The following SPTB variants were observed in gnomAD, a reference collection of about 807,000 sequenced individuals.
SPTB encodes the protein spectrin beta, erythrocytic, also known as spectrin beta chain, erythrocytic.
A neutral mutation model predicts 256.2 loss-of-function variants in SPTB; 45 were observed. The ratio of observed to expected loss-of-function variants is 0.18; its 90% confidence interval spans 0.14 to 0.23. The LOEUF (loss-of-function observed/expected upper bound fraction) is 0.23. SPTB is among the 10% of genes least tolerant of loss of function. SPTB has a pLI of 1.00. For missense variants in SPTB, 2,715 were observed against 3,040.4 expected, an observed-to-expected ratio of 0.89 and a Z score of 2.52; for synonymous variants, 1,231 against 1,243.1, an observed-to-expected ratio of 0.99 and a Z score of 0.21.
At chr14:64,868,315 A>AT (rs79717585) in intron 1 of SPTB, among the ~76,000 whole-genome samples, 8,278 of 152,198 alleles carry the variant, frequency 0.054, 287 homozygotes, top group Middle Eastern at 0.082. Context: ...ATGTGGAAGT[A>AT]TGGGGGGGAA....
At chr14:64,781,870 A>G (rs936244325) in intron 20 of SPTB, among the ~76,000 whole-genome samples, 1 of 152,250 alleles carries the variant, frequency 6.6e-6, no homozygotes, top group Admixed American at 6.5e-5. Context: ...ACACCATGGA[A>G]TATTTCACAG....
rs1380847760 is a variant in SPTB, at chr14:64,796,659, C to T, written c.1239G>A (p.Glu413=). ...GCTCTAGCTTCTCCTGCCGAATGAGCTCATTTCTCAGGGCCAGCTCCCGCC... is the reference window on the plus strand; with the variant it reads ...GCTCTAGCTTCTCCTGCCGAATGAGTTCATTTCTCAGGGCCAGCTCCCGCC... ...EYRRELALRN[E]LIRQEKLEQL... The change falls in exon 11 of 36, where the codon GAG becomes GAA. Residue 413 remains glutamate, a synonymous_variant. Coordinates refer to ENST00000644917, the MANE Select transcript of SPTB (RefSeq NM_001355436.2). This position sits in a 1 kb window ranked among gnomAD's most constrained non-coding sequence, Gnocchi z 4.1. 1 of 1,614,208 alleles carries T rather than the reference C, an allele frequency of 6.2e-7. No homozygotes were observed. Among genetic ancestry groups the T allele is most frequent in the South Asian group, 1.1e-5 (1 of 91,090 alleles).
At chr14:64,860,896 C>T (rs2083956252) in intron 1 of SPTB, among the ~76,000 whole-genome samples, 1 of 152,094 alleles carries the variant, frequency 6.6e-6, no homozygotes, top group South Asian at 2.1e-4. Flanking sequence ...ATAAATCATT[C>T]CTCTATAAAG....
chr14:64,797,483 A>T (rs1465015366), intron 10 of SPTB, among the ~76,000 whole-genome samples: 2 of 143,570 alleles, frequency 1.4e-5, no homozygotes, highest in East Asian at 4.0e-4. Context: ...AAAAAAAAAA[A>T]AAAAAAAAAA....
chr14:64,749,516 C>T lies in SPTB; in HGVS notation c.6820-43G>A, dbSNP rs1566729729. 1.3e-6 allele frequency: 2 copies of T among 1,597,426 alleles called. No homozygotes were observed. Among genetic ancestry groups the T allele is most frequent in the Middle Eastern group, 1.8e-4 (1 of 5,630 alleles). On this transcript the variant is annotated intron_variant, in intron 35 of 35. Coordinates refer to ENST00000644917, the MANE Select transcript of SPTB (RefSeq NM_001355436.2). The surrounding 1 kb of genome is among the most constrained non-coding windows in gnomAD (Gnocchi z 4.7). ...ACGGTGGAGTCTGGAGGCCCACAGC[C>T]CCCCACCTCCCGGGCCAGGCAACAA...
intron 2 of SPTB, among the ~76,000 whole-genome samples, chr14:64,805,938 T>G (rs1484572611): frequency 6.6e-6 from 1 of 151,878 alleles, no homozygotes; most frequent in Non-Finnish European, 1.5e-5. Flanking sequence ...CCTGGGAAGG[T>G]GACATGACAC....
intron 33 of SPTB, among the ~76,000 whole-genome samples, chr14:64,751,777 A>C (rs1231835563): frequency 6.6e-6 from 1 of 152,014 alleles, no homozygotes; most frequent in Non-Finnish European, 1.5e-5. Context: ...TTAAAGGAAC[A>C]AATTTTACAA....
At chr14:64,768,556 A>G (rs749599586) in intron 29 of SPTB, among the ~76,000 whole-genome samples, 1 of 151,864 alleles carries the variant, frequency 6.6e-6, no homozygotes, top group Non-Finnish European at 1.5e-5. Context: ...CCCACCTCTC[A>G]TCAGCACCCA....
rs1450115079 is a variant in SPTB at position 64,764,376 on chromosome 14, G to A, written c.6345+2350C>T. On this transcript the variant is annotated intron_variant, in intron 32 of 35. Transcript: ENST00000644917. The surrounding 1 kb of genome is among the most constrained non-coding windows in gnomAD (Gnocchi z 4.2). The stretch of plus-strand genomic sequence containing the variant: ...AACTTAACAAAAGGCTCAGAAGGGA[G>A]CAGCAGCAGGAAATCTGTGCGTGAG... Among the ~76,000 whole-genome samples the A allele has an allele frequency of 1.3e-5, 2 of 152,250 alleles. No individual in the cohort carries two copies. The highest frequency in any genetic ancestry group is 3.9e-4 in the East Asian group (2 of 5,192).
rs1189300641 is a variant in SPTB at position 64,779,648 on chromosome 14, CT to C, written c.4473+76del. On this transcript the variant is annotated intron_variant, in intron 21 of 35. Coordinates refer to ENST00000644917, the MANE Select transcript of SPTB (RefSeq NM_001355436.2). The surrounding 1 kb of genome is among the most constrained non-coding windows in gnomAD (Gnocchi z 4.2). ...CAGTCATCTACTGCCAAAAATTGCT[CT>C]GGGTGGCAGCCAGCTACTCTGATGG... is the stretch of plus-strand genomic sequence containing the variant. The C allele has an allele frequency of 2.2e-5, 34 of 1,567,220 alleles. No homozygotes were observed. The African/African-American group carries it at 3.9e-4, about 18-fold the overall frequency.
At position 64,824,741 on chromosome 14, in the gene SPTB, C is replaced by A. The variant is rs543932808; in HGVS notation, c.-51-1596G>T. ...ACACCAGCACACACATGCACATCCACCAGGCACATGATCACGGAGGCACTG... is the reference window on the plus strand; with the variant it reads ...ACACCAGCACACACATGCACATCCAACAGGCACATGATCACGGAGGCACTG... On this transcript the variant is annotated intron_variant, in intron 1 of 35. Coordinates refer to ENST00000644917, the MANE Select transcript of SPTB (RefSeq NM_001355436.2). This position sits in a 1 kb window ranked among gnomAD's most constrained non-coding sequence, Gnocchi z 5.7. 6.6e-6 allele frequency among the ~76,000 whole-genome samples: 1 copy of A among 152,274 alleles called. No individual in the cohort carries two copies. Among genetic ancestry groups the A allele is most frequent in the South Asian group, 2.1e-4 (1 of 4,828 alleles).
chr14:64,813,138 C>T (rs1273934882), intron 2 of SPTB, among the ~76,000 whole-genome samples: 1 of 152,002 alleles, frequency 6.6e-6, no homozygotes, highest in Non-Finnish European at 1.5e-5. Context: ...TTCTTTTTTG[C>T]TTTTCTCTGT....
chr14:64,865,237 G>A (rs6573581), intron 1 of SPTB, among the ~76,000 whole-genome samples: 122,780 of 151,622 alleles, frequency 0.81, 51,192 homozygotes, highest in Non-Finnish European at 0.91. Context: ...CTGCTCACCA[G>A]ACTCTGCTGC....
intron 1 of SPTB, among the ~76,000 whole-genome samples, chr14:64,854,675 T>C (rs1409748419): frequency 6.6e-6 from 1 of 151,254 alleles, no homozygotes; most frequent in Non-Finnish European, 1.5e-5. Flanking sequence ...TCGTGTAGGA[T>C]TTCCATTTGC....
intron 1 of SPTB, among the ~76,000 whole-genome samples, chr14:64,840,554 C>A (rs1221496842): frequency 1.3e-5 from 2 of 152,216 alleles, no homozygotes; most frequent in African/African-American, 4.8e-5. Context: ...ATTATTAAAG[C>A]TGCACTCATT....
At position 64,796,830 on chromosome 14, in the gene SPTB, G is replaced by A; in HGVS notation, c.1183-115C>T. ...TTCTGGAATCAAGGTACAGCCTGATGCTCTTGGGTGACGTGGTAGCAGATT... is the reference window on the plus strand; with the variant it reads ...TTCTGGAATCAAGGTACAGCCTGATACTCTTGGGTGACGTGGTAGCAGATT... On this transcript the variant is annotated intron_variant, in intron 10 of 35. Coordinates refer to ENST00000644917, the MANE Select transcript of SPTB (RefSeq NM_001355436.2). The surrounding 1 kb of genome is among the most constrained non-coding windows in gnomAD (Gnocchi z 4.1). The A allele has an allele frequency of 6.7e-6, 9 of 1,346,044 alleles. No homozygotes were observed. Among genetic ancestry groups the A allele is most frequent in the Non-Finnish European group, 9.4e-6 (9 of 953,668 alleles). 83.4% of individuals were successfully genotyped at this position (1,346,044 alleles called of 1,614,324 possible). A position where few individuals can be genotyped will look rare whatever the true frequency, so the allele number is the denominator to read the frequency against.
chr14:64,787,775 C>T (rs963094170), intron 15 of SPTB, among the ~76,000 whole-genome samples: 9 of 152,216 alleles, frequency 5.9e-5, no homozygotes, highest in African/African-American at 1.4e-4. Context: ...CTATGAAATA[C>T]GGAAATGTGC....
rs146632844 is a variant in SPTB at position 64,784,227 on chromosome 14, C to T, written c.4002+20G>A. The stretch of plus-strand genomic sequence containing the variant: ...CTATCTGAGCAGAGCACCCACCCGC[C>T]GCCCAATCACTTTACTTACCGCATC... On this transcript the variant is annotated intron_variant, in intron 19 of 35. Coordinates refer to ENST00000644917, the MANE Select transcript of SPTB (RefSeq NM_001355436.2). The T allele has an allele frequency of 2.2e-4, 355 of 1,614,074 alleles. No individual in the cohort carries two copies. In the East Asian group the frequency reaches 4.8e-3, roughly 22 times the overall value.
rs555371683 is a variant in SPTB, at chr14:64,858,101, T to A, written c.-52+21691A>T. Among the ~76,000 whole-genome samples, 14 of 152,320 alleles carry A rather than the reference T, an allele frequency of 9.2e-5. No homozygotes were observed. In the East Asian group the frequency reaches 2.5e-3, roughly 27 times the overall value. The stretch of plus-strand genomic sequence containing the variant: ...GCTGTGGCCACACAGCTAGCAAGTG[T>A]TAGAACCTGGATTTGAAGCCAGGTC... On this transcript the variant is annotated intron_variant, in intron 1 of 35. Transcript: ENST00000644917.
Sources: gnomAD v4.1 joint callset for allele counts (sites outside exome capture counted in the v4.1 genomes callset) on GRCh38, gnomAD v4.1.1 for gene constraint, Gnocchi (gnomAD v3.1) non-coding constraint, MANE v1.5 for transcripts, NCBI Gene and HGNC (gene_info 2026-07-23, HGNC 2026-07-21) for gene names.